RHPN1: variants seen among roughly 807,000 people sequenced by gnomAD.
RHPN1 encodes the protein rhophilin-1.
Under a neutral mutation model 74.7 loss-of-function variants are expected in RHPN1, and 77 were observed. That is an observed-to-expected ratio of 1.03 (90% CI 0.86 to 1.25). RHPN1 has a LOEUF of 1.25. Among genes scored for constraint, RHPN1 ranks in the 50% most tolerant of loss-of-function variants. The probability of loss-of-function intolerance (pLI) is 0.00; values close to 1 mark genes in which losing one functional copy is unlikely to be tolerated. For missense variants in RHPN1, 987 were observed against 932.2 expected (o/e 1.06, Z -0.77); for synonymous variants, 444 against 414.5 (o/e 1.07, Z -0.87).
At chr8:143,372,316 G>T (rs1817881887) in intron 1 of RHPN1, among the ~76,000 whole-genome samples, 1 of 150,992 alleles carries the variant, frequency 6.6e-6, no homozygotes, top group African/African-American at 2.4e-5. Flanking sequence ...GGAGGCGGGG[G>T]TGGGCGGGCC....
intron 1 of RHPN1, among the ~76,000 whole-genome samples, 151 bp downstream of exon 1, chr8:143,369,198 C>A (rs62524011): frequency 0.074 from 11,293 of 152,274 alleles, 530 homozygotes; most frequent in Middle Eastern, 0.18. Flanking sequence ...TGCGTCCCTC[C>A]TCCTCTGAGC....
In RHPN1 at chr8:143,377,364, A is replaced by G; in HGVS notation, c.306-16A>G. On this transcript the variant is annotated splice_polypyrimidine_tract_variant and intron_variant, in intron 3 of 14. Coordinates refer to ENST00000289013, the MANE Select transcript of RHPN1 (RefSeq NM_052924.3). ...GGTTTGGCCTTACAGTCTGAAGTCG[A>G]TGCTTCTGGTTACAGCGAAGCTGTC... 6.2e-7 allele frequency: 1 copy of G among 1,610,422 alleles called. No individual in the cohort carries two copies. The highest frequency in any genetic ancestry group is 8.5e-7 in the Non-Finnish European group (1 of 1,177,202).
intron 1 of RHPN1, 38 bp downstream of exon 1, chr8:143,369,085 G>A: frequency 7.0e-7 from 1 of 1,436,100 alleles, no homozygotes; most frequent in Admixed American, 2.8e-5. Flanking sequence ...GGAGGGGCCC[G>A]GAATCCCGGC....
chr8:143,380,871 A>G, intron 11 of RHPN1, 88 bp downstream of exon 11: 1 of 1,054,792 alleles, frequency 9.5e-7, no homozygotes, highest in Non-Finnish European at 1.3e-6. Context: ...ATTGCATTAA[A>G]GATGCAGTCA....
At position 143,381,712 on chromosome 8, in the gene RHPN1, G is replaced by T. The variant is rs765420897; in HGVS notation, c.1629G>T (p.Gln543His). Residue 543 changes from glutamine to histidine, a missense_variant, in exon 13 of 15, where the codon CAG becomes CAT. Physicochemically the swap from Gln to His is conservative, Grantham distance 24. Coordinates refer to ENST00000289013, the MANE Select transcript of RHPN1 (RefSeq NM_052924.3). ...TCGCTGCCGTCATTCCAGGGAGCCA[G>T]GCCGCGGTAAGGGCCCCGCCGGCCC... is the stretch of plus-strand genomic sequence containing the variant. ...VLIAAVIPGS[Q>H]AAAAGLKEGD... is the part of the protein sequence containing the mutation. 3.1e-6 allele frequency: 5 copies of T among 1,610,284 alleles called. No homozygotes were observed. The highest frequency in any genetic ancestry group is 8.5e-7 in the Non-Finnish European group (1 of 1,178,898).
intron 8 of RHPN1, 136 bp downstream of exon 8, chr8:143,379,644 G>A (rs75446900): frequency 1.4e-6 from 2 of 1,445,148 alleles, no homozygotes; most frequent in African/African-American, 1.4e-5. Flanking sequence ...CTGCTCCCTG[G>A]GGGGGCTGGT....
At position 143,378,910 on chromosome 8, in the gene RHPN1, A is replaced by G. The variant is rs1416123083; in HGVS notation, c.585-2A>G. ...TCCACCCAGCCTGACCCAACACTGC[A>G]GGTACGACTCGCTTACTGGGGTCCC... is the stretch of plus-strand genomic sequence containing the variant. On this transcript the variant is annotated splice_acceptor_variant, in intron 6 of 14. Transcript: ENST00000289013. LOFTEE classifies it high-confidence loss of function. 2 of 1,584,752 alleles carry G rather than the reference A, an allele frequency of 1.3e-6. No individual in the cohort carries two copies. The highest frequency in any genetic ancestry group is 1.7e-6 in the Non-Finnish European group (2 of 1,166,340).
Position 143,380,653 on chromosome 8 carries a change from C to T in RHPN1, c.1281C>T (p.Cys427=). The change falls in exon 11 of 15, where the codon TGC becomes TGT. Residue 427 remains cysteine, a synonymous_variant. Coordinates refer to ENST00000289013, the MANE Select transcript of RHPN1 (RefSeq NM_052924.3). ...AGGCGCTGCGGCTGCACGCCCTGTG[C>T]CGCGTCCTGCGCGAGGTGGACCTGC... ...QEEALRLHAL[C]RVLREVDLLR... 1 of 1,566,820 alleles carries T rather than the reference C, an allele frequency of 6.4e-7. No individual in the cohort carries two copies. The highest frequency in any genetic ancestry group is 8.6e-7 in the Non-Finnish European group (1 of 1,156,596).
At chr8:143,378,204 G>A in intron 4 of RHPN1, 65 bp from the exon 5 acceptor site, 1 of 1,352,344 alleles carries the variant, frequency 7.4e-7, no homozygotes, top group Non-Finnish European at 1.0e-6. Flanking sequence ...AGGTGGGTTG[G>A]GAGACCTCAG....
At chr8:143,369,317 C>T (rs1429482175) in intron 1 of RHPN1, among the ~76,000 whole-genome samples, 12 of 152,190 alleles carry the variant, frequency 7.9e-5, no homozygotes, top group African/African-American at 2.9e-4. Context: ...TCCTCGTGTC[C>T]CCCTTCTGGG....
At position 143,378,349 on chromosome 8, in the gene RHPN1, G is replaced by GGGCGGGGGAACCACACACC; in HGVS notation, c.459+3_459+4insGGCGGGGGAACCACACACC. 6.5e-7 allele frequency: 1 copy of GGGCGGGGGAACCACACACC among 1,544,422 alleles called. No individual in the cohort carries two copies. Among genetic ancestry groups the GGGCGGGGGAACCACACACC allele is most frequent in the Non-Finnish European group, 8.7e-7 (1 of 1,145,136 alleles). ...GGGAGCTGGAGGCCCTGCGGCAGGT[G>GGGCGGGGGAACCACACACC]TGTGGTTCCCCCGCCCACCCACCCT... is the stretch of plus-strand genomic sequence containing the variant. On this transcript the variant is annotated splice_donor_region_variant and intron_variant, in intron 5 of 14. Transcript: ENST00000289013.
chr8:143,371,825 T>C (rs193015581), intron 1 of RHPN1, among the ~76,000 whole-genome samples: 154 of 152,224 alleles, frequency 1.0e-3, no homozygotes, highest in African/African-American at 3.6e-3. Flanking sequence ...GTCACCTTTG[T>C]CTCCAGAGGG....
Position 143,381,205 on chromosome 8 carries a change from G to C in RHPN1, c.1412-63G>C, listed in dbSNP as rs145645080. On this transcript the variant is annotated intron_variant, in intron 11 of 14. Coordinates refer to ENST00000289013, the MANE Select transcript of RHPN1 (RefSeq NM_052924.3). Reference sequence around the variant, plus strand: ...CACTCAGGGTCATGCCCTGCGCCCTGGAAAATCCCCGAGGCAGGTCTCCAC... The same window carrying C: ...CACTCAGGGTCATGCCCTGCGCCCTCGAAAATCCCCGAGGCAGGTCTCCAC... The C allele has an allele frequency of 7.6e-6, 11 of 1,439,942 alleles. No individual in the cohort carries two copies. In the East Asian group the frequency reaches 2.6e-4, roughly 34 times the overall value. The allele number at this position is 1,439,942 out of a possible 1,614,324, so 89.2% of individuals were successfully genotyped here.
chr8:143,366,119 C>T (rs777557970), upstream of RHPN1, among the ~76,000 whole-genome samples: 7 of 142,742 alleles, frequency 4.9e-5, no homozygotes, highest in Middle Eastern at 3.2e-3. Flanking sequence ...GGCAACAGGG[C>T]GAAACCCTGT....
chr8:143,374,257 G>A, intron 1 of RHPN1: 1 of 985,474 alleles, frequency 1.0e-6, no homozygotes, highest in Non-Finnish European at 1.2e-6. Context: ...CAGTGCGTGT[G>A]CACGTTGGCC....
At position 143,381,586 on chromosome 8, in the gene RHPN1, G is replaced by T; in HGVS notation, c.1503G>T (p.Val501=). The T allele has an allele frequency of 6.2e-7, 1 of 1,609,146 alleles. No homozygotes were observed. Residue 501 remains valine (V), a synonymous_variant, in exon 13 of 15, where the codon GTG becomes GTT. Coordinates refer to ENST00000289013, the MANE Select transcript of RHPN1 (RefSeq NM_052924.3). ...DIFHRLGPLS[V]FSAKNRWRLV... The stretch of plus-strand genomic sequence containing the variant: ...GCCCCTGCCAGGGGCCCCTGTCTGT[G>T]TTCTCAGCCAAGAACCGGTGGCGGC...
At chr8:143,368,846 C>G (rs1209047030), upstream of RHPN1, 5 of 465,128 alleles carry the variant, frequency 1.1e-5, no homozygotes, top group East Asian at 2.1e-4. Flanking sequence ...CGCCCCCACT[C>G]AGGAGGGACA....
In RHPN1 at chr8:143,379,335, G is replaced by C. The variant is rs773411017; in HGVS notation, c.772G>C (p.Glu258Gln). The C allele has an allele frequency of 1.3e-6, 2 of 1,597,106 alleles. No individual in the cohort carries two copies. The highest frequency in any genetic ancestry group is 3.4e-5 in the Admixed American group (2 of 59,068). The part of the protein sequence containing the change: ...RAAGAFSLLR[E>Q]NFSHAPSPDM... Reference sequence around the variant, plus strand: ...CGCAGGGGCCTTCAGCCTCCTGAGGGAGAACTTCTCCCATGCGCCGAGCCC... The same window carrying C: ...CGCAGGGGCCTTCAGCCTCCTGAGGCAGAACTTCTCCCATGCGCCGAGCCC... Residue 258 changes from glutamate to glutamine, a missense_variant, in exon 8 of 15, where the codon GAG becomes CAG. Physicochemically the swap from Glu to Gln is conservative, Grantham distance 29. Transcript: ENST00000289013.
intron 1 of RHPN1, among the ~76,000 whole-genome samples, chr8:143,372,857 A>G (rs1239814764): frequency 4.9e-5 from 3 of 60,878 alleles, no homozygotes; most frequent in Non-Finnish European, 9.2e-5. Context: ...CTGGGGGACA[A>G]TGCGGGGGTT....
Sources: allele counts gnomAD v4.1 joint callset (sites outside exome capture counted in the v4.1 genomes callset), GRCh38; gene constraint gnomAD v4.1.1; transcripts MANE v1.5; gene names NCBI Gene and HGNC (gene_info 2026-07-23, HGNC 2026-07-21).